Variants in XPA observed in about 807,000 individuals in gnomAD.
The protein encoded by XPA is XPA, DNA damage recognition and repair factor.
Under a neutral mutation model 35.7 loss-of-function variants are expected in XPA, and 27 were observed. The ratio of observed to expected loss-of-function variants is 0.76; its 90% confidence interval spans 0.56 to 1.04. The LOEUF (loss-of-function observed/expected upper bound fraction) is 1.04, where lower values mean the gene tolerates loss of function less well. Among genes scored for constraint, XPA ranks in the 50% least tolerant of loss-of-function variants. The pLI is 0.00. For synonymous variants in XPA, 133 were observed against 118.4 expected, an observed-to-expected ratio of 1.12 and a Z score of -0.80; for missense variants, 354 against 342.7, an observed-to-expected ratio of 1.03 and a Z score of -0.26.
rs778068161 is a variant in XPA at position 97,675,593 on chromosome 9, A to G, written c.674-6T>C. ...TCTTACTGCTCGCCGCAATTCTGAA[A>G]AAAAAATTTTAAAGTCATCTTTTCA... On this transcript the variant is annotated splice_region_variant and splice_polypyrimidine_tract_variant and intron_variant, in intron 5 of 5. Coordinates refer to ENST00000375128, the MANE Select transcript of XPA (RefSeq NM_000380.4). 1.9e-6 allele frequency: 3 copies of G among 1,613,988 alleles called. No homozygotes were observed. The African/African-American group carries it at 4.0e-5, about 22-fold the overall frequency.
chr9:97,665,043 G>C, the XPA span, among the ~76,000 whole-genome samples: 1 of 152,210 alleles, frequency 6.6e-6, no homozygotes, highest in Non-Finnish European at 1.5e-5. Context: ...ACAGCTGATA[G>C]GACCAGGGCA....
chr9:97,682,047 T>A (rs1828558439), intron 5 of XPA, among the ~76,000 whole-genome samples: 1 of 121,488 alleles, frequency 8.2e-6, no homozygotes, highest in African/African-American at 3.3e-5. Flanking sequence ...CACTTTCTTG[T>A]CTTTCACCTT....
At chr9:97,671,313 A>G (rs1828186820), downstream of XPA, 1 of 742,068 alleles carries the variant, frequency 1.3e-6, no homozygotes, top group Admixed American at 3.0e-5. Context: ...TCTTAAAGGA[A>G]ACAAAGGGGA....
At chr9:97,687,802 G>A (rs779758422) in intron 3 of XPA, among the ~76,000 whole-genome samples, 1 of 152,202 alleles carries the variant, frequency 6.6e-6, no homozygotes, top group African/African-American at 2.4e-5. Flanking sequence ...AGGCAGCAGT[G>A]GGAGAGGATG....
At chr9:97,671,163 G>A, downstream of XPA, 1 of 1,613,424 alleles carries the variant, frequency 6.2e-7, no homozygotes, top group Non-Finnish European at 8.5e-7. Context: ...CTCATATCTT[G>A]GCCGTGTTCC....
intron 2 of XPA, among the ~76,000 whole-genome samples, chr9:97,693,202 T>G (rs1329353393): frequency 6.6e-6 from 1 of 152,214 alleles, no homozygotes; most frequent in Non-Finnish European, 1.5e-5. Context: ...ACCAAAGCAC[T>G]AACCTTAGAT....
chr9:97,688,081 G>A lies in XPA; in HGVS notation c.390-820C>T, dbSNP rs140610999. On this transcript the variant is annotated intron_variant, in intron 3 of 5. Coordinates refer to ENST00000375128, the MANE Select transcript of XPA (RefSeq NM_000380.4). The stretch of plus-strand genomic sequence containing the variant: ...CTAACAGGAGACATGTAGACTATAT[G>A]GTACTAAAACTATCATCTTTGATGA... Among the ~76,000 whole-genome samples, 268 of 152,256 alleles carry A rather than the reference G, an allele frequency of 1.8e-3. 1 individual carries two copies. Among genetic ancestry groups the A allele is most frequent in the African/African-American group, 6.2e-3 (259 of 41,556 alleles).
chr9:97,688,917 C>T (rs1488067489), intron 3 of XPA, among the ~76,000 whole-genome samples: 1 of 151,984 alleles, frequency 6.6e-6, no homozygotes, highest in East Asian at 1.9e-4. Flanking sequence ...CAAGATAAGA[C>T]CTTCAATGTG....
the XPA span, chr9:97,663,024 G>A: frequency 6.2e-7 from 1 of 1,612,446 alleles, no homozygotes; most frequent in Non-Finnish European, 8.5e-7. Flanking sequence ...AGTTATGTTT[G>A]AGGTCTGGAG....
the XPA span, among the ~76,000 whole-genome samples, chr9:97,668,328 G>C: frequency 6.6e-6 from 1 of 152,174 alleles, no homozygotes; most frequent in Non-Finnish European, 1.5e-5. Flanking sequence ...AGAGTGAGCT[G>C]GGGGCAGGGA....
At chr9:97,661,213 A>G in the XPA span, 4 of 865,070 alleles carry the variant, frequency 4.6e-6, no homozygotes, top group East Asian at 6.0e-5. Context: ...CACCCCAGGT[A>G]TTTTCCCCTT....
rs1437103027 is a variant in XPA, at chr9:97,684,975, T to C, written c.621A>G (p.Arg207=). 6.2e-7 allele frequency: 1 copy of C among 1,613,694 alleles called. No individual in the cohort carries two copies. Reference sequence around the variant, plus strand: ...GTTTCATTTTTTCTCGGTTTTCCTGTCGGACTTCCTTTGCTTCTTCTAATG... The same window carrying C: ...GTTTCATTTTTTCTCGGTTTTCCTGCCGGACTTCCTTTGCTTCTTCTAATG... ...QEALEEAKEV[R]QENREKMKQK... Residue 207 remains arginine (R), a synonymous_variant, in exon 5 of 6, where the codon CGA becomes CGG. Transcript: ENST00000375128.
chr9:97,677,922 G>A lies in XPA; in HGVS notation c.674-2335C>T, dbSNP rs528888160. On this transcript the variant is annotated intron_variant, in intron 5 of 5. Transcript: ENST00000375128. ...GGCTTTGATCAAGTCACTATATTAA[G>A]GATCATGGGAGCCACCAGGTTTCTC... Among the ~76,000 whole-genome samples the A allele has an allele frequency of 3.3e-5, 5 of 152,126 alleles. No individual in the cohort carries two copies. The East Asian group carries it at 9.7e-4, about 29-fold the overall frequency.
At chr9:97,673,780 G>GA (rs1828269605), downstream of XPA, 1 of 152,184 alleles carries the variant, frequency 6.6e-6, no homozygotes, top group African/African-American at 2.4e-5. Flanking sequence ...AACTGTACTT[G>GA]AAAATGAAAG....
At position 97,697,321 on chromosome 9, in the gene XPA, C is replaced by T. The variant is rs559933944; in HGVS notation, c.-29G>A. On this transcript the variant is annotated 5_prime_UTR_variant, in exon 1 of 6. Coordinates refer to ENST00000375128, the MANE Select transcript of XPA (RefSeq NM_000380.4). ...TGGCCCACTCCGAGGACCTAGCTCC[C>T]AGCTCCACGCACGCGCACTGCACGC... The T allele has an allele frequency of 5.6e-6, 9 of 1,596,304 alleles. No individual in the cohort carries two copies. In the South Asian group the frequency reaches 8.8e-5, roughly 16 times the overall value.
At chr9:97,691,758 C>T (rs945113148) in intron 2 of XPA, among the ~76,000 whole-genome samples, 5 of 151,716 alleles carry the variant, frequency 3.3e-5, no homozygotes, top group Admixed American at 3.3e-4. Context: ...TAGTGTGTGC[C>T]TGTAGTCCCA....
chr9:97,679,503 A>C (rs1374821362), intron 5 of XPA, among the ~76,000 whole-genome samples: 1 of 152,360 alleles, frequency 6.6e-6, no homozygotes, highest in African/African-American at 2.4e-5. Flanking sequence ...GGAATGGACT[A>C]TAATACATTG....
chr9:97,689,569 CATAAG>C lies in XPA; in HGVS notation c.349_353del (p.Leu117GlufsTer4), dbSNP rs1200172747. The stretch of plus-strand genomic sequence containing the variant: ...CACAAGTTGGCAAATCAAAGTGGTT[CATAAG>C]ATAAGAATCCATAAATTCTTTCCCA... On this transcript the variant is annotated frameshift_variant, in exon 3 of 6. Transcript: ENST00000375128. LOFTEE classifies it high-confidence loss of function. 16 of 1,612,802 alleles carry C rather than the reference CATAAG, an allele frequency of 9.9e-6. No homozygotes were observed. The highest frequency in any genetic ancestry group is 3.3e-5 in the South Asian group (3 of 91,034).
At chr9:97,684,832 A>G (rs1564043308) in intron 5 of XPA, 91 bp downstream of exon 5, 1 of 1,110,398 alleles carries the variant, frequency 9.0e-7, no homozygotes, top group Non-Finnish European at 1.4e-6. Flanking sequence ...ATTCCAATCT[A>G]TTGGTGACAT....
Sources: allele counts gnomAD v4.1 joint callset (sites outside exome capture counted in the v4.1 genomes callset), GRCh38; gene constraint gnomAD v4.1.1; transcripts MANE v1.5; gene names NCBI Gene and HGNC (gene_info 2026-07-23, HGNC 2026-07-21).